Variants in SPTLC3 observed in about 807,000 individuals in gnomAD.
The protein encoded by SPTLC3 is serine palmitoyltransferase long chain base subunit 3, also known as serine palmitoyltransferase 3.
Under a neutral mutation model 59.3 loss-of-function variants are expected in SPTLC3, and 36 were observed. The observed-to-expected ratio is 0.61, with a 90% CI of 0.47 to 0.80. SPTLC3 has a LOEUF of 0.80. Among genes scored for constraint, SPTLC3 ranks in the 30% least tolerant of loss-of-function variants. The pLI is 0.00. For missense variants in SPTLC3, 625 were observed against 685.1 expected (o/e 0.91, Z 0.98); for synonymous variants, 257 against 240.8 (o/e 1.07, Z -0.62).
chr20:13,074,502 G>C lies in SPTLC3; in HGVS notation c.607+5G>C. 1 of 1,603,246 alleles carries C rather than the reference G, an allele frequency of 6.2e-7. No individual in the cohort carries two copies. Among genetic ancestry groups the C allele is most frequent in the Non-Finnish European group, 8.5e-7 (1 of 1,174,556 alleles). On this transcript the variant is annotated splice_donor_5th_base_variant and intron_variant, in intron 4 of 11. Coordinates refer to ENST00000399002, the MANE Select transcript of SPTLC3 (RefSeq NM_018327.4). ...CCAGCACCAGGCATGAAATGGGTAT[G>C]TACATTCACTGTTTTGAAACTTTTT...
chr20:13,014,789 TAAAA>T (rs59783373), intron 1 of SPTLC3, among the ~76,000 whole-genome samples: 3 of 141,394 alleles, frequency 2.1e-5, no homozygotes, highest in African/African-American at 7.8e-5. Context: ...TGTCTAAATT[TAAAA>T]AAAAAAAAAA....
At chr20:13,015,526 C>T (rs1404247571) in intron 1 of SPTLC3, among the ~76,000 whole-genome samples, 1 of 152,126 alleles carries the variant, frequency 6.6e-6, no homozygotes, top group Non-Finnish European at 1.5e-5. Flanking sequence ...AGGCATACAA[C>T]ACATGTAGAG....
At chr20:13,051,970 G>A (rs980790746) in intron 2 of SPTLC3, among the ~76,000 whole-genome samples, 14 of 152,076 alleles carry the variant, frequency 9.2e-5, no homozygotes, top group African/African-American at 3.4e-4. Flanking sequence ...ACATCAGAAT[G>A]TCTGAAAGAG....
chr20:13,123,275 G>A (rs1305712933), intron 8 of SPTLC3, among the ~76,000 whole-genome samples: 3 of 151,616 alleles, frequency 2.0e-5, no homozygotes, highest in Non-Finnish European at 4.4e-5. Flanking sequence ...AGGTTGCAGT[G>A]AGCCAAGGTC....
chr20:13,022,740 C>A (rs144552050), intron 1 of SPTLC3, among the ~76,000 whole-genome samples: 6 of 152,274 alleles, frequency 3.9e-5, no homozygotes, highest in African/African-American at 1.2e-4. Flanking sequence ...GTTTTAAAAA[C>A]CACCATGTCC....
intron 1 of SPTLC3, among the ~76,000 whole-genome samples, chr20:13,042,237 C>A (rs1200944636): frequency 6.6e-6 from 1 of 152,198 alleles, no homozygotes; most frequent in Non-Finnish European, 1.5e-5. Flanking sequence ...AGAATCTCCA[C>A]TGTTTTCCAG....
At chr20:13,106,931 G>A (rs989018638) in intron 6 of SPTLC3, among the ~76,000 whole-genome samples, 4 of 152,198 alleles carry the variant, frequency 2.6e-5, no homozygotes, top group East Asian at 1.9e-4. Context: ...GCAGGGAAAC[G>A]TTCTCCACTG....
At chr20:13,164,576 T>G (rs1386657115) in intron 11 of SPTLC3, 178 bp from the exon 12 acceptor site, 9 of 607,304 alleles carry the variant, frequency 1.5e-5, no homozygotes, top group Non-Finnish European at 2.7e-5. Flanking sequence ...CATCTAACAT[T>G]CCTCTAGGGT....
chr20:13,129,869 A>G (rs1187771796), intron 9 of SPTLC3, among the ~76,000 whole-genome samples: 1 of 152,238 alleles, frequency 6.6e-6, no homozygotes, highest in Non-Finnish European at 1.5e-5. Flanking sequence ...TTATACCTAA[A>G]GAATTCTTTG....
intron 7 of SPTLC3, 67 bp downstream of exon 7, chr20:13,110,284 C>T (rs1161421600): frequency 3.9e-6 from 5 of 1,281,890 alleles, no homozygotes; most frequent in Admixed American, 2.0e-5. Context: ...TGCGGAAAGG[C>T]TCACCTTTCC....
intron 4 of SPTLC3, among the ~76,000 whole-genome samples, chr20:13,090,061 G>A (rs1316469620): frequency 1.3e-5 from 2 of 152,108 alleles, no homozygotes; most frequent in Non-Finnish European, 2.9e-5. Context: ...CATGTAGCTG[G>A]TGGCTACCAT....
In SPTLC3 at chr20:13,111,199, T is replaced by C. The variant is rs1284199562; in HGVS notation, c.932+982T>C. 2.0e-5 allele frequency among the ~76,000 whole-genome samples: 3 copies of C among 152,226 alleles called. 1 individual carries two copies. Among genetic ancestry groups the C allele is most frequent in the Admixed American group, 2.0e-4 (3 of 15,282 alleles). Reference sequence around the variant, plus strand: ...GGGTTCTGGATGTTCCCAGTCCTACTGTGGGAAATGCAAAGTTTGCATTTC... The same window carrying C: ...GGGTTCTGGATGTTCCCAGTCCTACCGTGGGAAATGCAAAGTTTGCATTTC... On this transcript the variant is annotated intron_variant, in intron 7 of 11. Transcript: ENST00000399002.
intron 4 of SPTLC3, among the ~76,000 whole-genome samples, chr20:13,088,910 C>A (rs7509392): frequency 6.6e-6 from 1 of 151,266 alleles, no homozygotes; most frequent in Admixed American, 6.6e-5. Flanking sequence ...GGATTACAGG[C>A]GTGGGCCACG....
intron 6 of SPTLC3, among the ~76,000 whole-genome samples, chr20:13,096,333 C>T (rs569104048): frequency 1.6e-4 from 25 of 152,046 alleles, no homozygotes; most frequent in African/African-American, 5.8e-4. Context: ...CAAGAATGTT[C>T]GTAGCATCTT....
intron 8 of SPTLC3, among the ~76,000 whole-genome samples, 155 bp downstream of exon 8, chr20:13,117,880 G>T (rs935537949): frequency 1.3e-5 from 2 of 152,156 alleles, no homozygotes; most frequent in African/African-American, 4.8e-5. Context: ...GCCAGATAAG[G>T]CCCAGAATAT....
At chr20:13,112,537 T>G (rs539881436) in intron 7 of SPTLC3, among the ~76,000 whole-genome samples, 36 of 152,178 alleles carry the variant, frequency 2.4e-4, no homozygotes, top group Non-Finnish European at 4.7e-4. Flanking sequence ...CACTTGTATG[T>G]ATAAGGATGG....
At chr20:13,043,500 T>C (rs1003326413) in intron 1 of SPTLC3, among the ~76,000 whole-genome samples, 1 of 152,162 alleles carries the variant, frequency 6.6e-6, no homozygotes, top group African/African-American at 2.4e-5. Context: ...TCCTTTTGTA[T>C]CATACCCTAA....
At chr20:13,149,460 C>T (rs1284125357) in intron 9 of SPTLC3, among the ~76,000 whole-genome samples, 1 of 152,188 alleles carries the variant, frequency 6.6e-6, no homozygotes, top group Non-Finnish European at 1.5e-5. Context: ...GTACAAATTC[C>T]ACCTCTGTCC....
intron 8 of SPTLC3, among the ~76,000 whole-genome samples, chr20:13,120,494 A>G (rs1277524001): frequency 1.3e-5 from 2 of 152,202 alleles, no homozygotes; most frequent in Non-Finnish European, 2.9e-5. Context: ...AAAATCTAGA[A>G]AAAAGAGATA....
Sources: allele counts gnomAD v4.1 joint callset (sites outside exome capture counted in the v4.1 genomes callset), GRCh38; gene constraint gnomAD v4.1.1; transcripts MANE v1.5; gene names NCBI Gene and HGNC (gene_info 2026-07-23, HGNC 2026-07-21).